The following RWDD1 variants were observed in gnomAD, a reference collection of about 807,000 sequenced individuals.
RWDD1 encodes RWD domain-containing protein 1.
A neutral mutation model predicts 31.6 loss-of-function variants in RWDD1; 17 were observed. That is an observed-to-expected ratio of 0.54 (90% CI 0.37 to 0.81). The LOEUF (loss-of-function observed/expected upper bound fraction) is 0.81. RWDD1 is among the 30% of genes least tolerant of loss of function. The pLI, the probability that RWDD1 is intolerant of heterozygous loss-of-function variation, is 0.00. For missense variants in RWDD1, 204 were observed against 274.5 expected (o/e 0.74, Z 1.82); for synonymous variants, 78 against 94.2 (o/e 0.83, Z 0.99).
intron 1 of RWDD1, 103 bp from the exon 2 acceptor site, chr6:116,580,192 C>T: frequency 1.6e-6 from 1 of 625,622 alleles, no homozygotes; most frequent in East Asian, 3.0e-5. Context: ...GGAAATATAG[C>T]CTAGGGACCA....
intron 2 of RWDD1, among the ~76,000 whole-genome samples, chr6:116,582,852 T>G (rs1774970559): frequency 6.6e-6 from 1 of 152,030 alleles, no homozygotes; most frequent in African/African-American, 2.4e-5. Context: ...TCTTCAGATC[T>G]TTATTTTTAT....
rs898483098 is a variant in RWDD1, at chr6:116,596,535, A to G, written c.*3434A>G. On this transcript the variant is annotated 3_prime_UTR_variant, in exon 7 of 7. Coordinates refer to ENST00000466444, the MANE Select transcript of RWDD1 (RefSeq NM_015952.4). ...TAAAATTTTGTCATAAAAATAGCCA[A>G]TGATGTTTTTAATTTTACATCTAAA... 1 of 152,226 alleles carries G rather than the reference A, an allele frequency of 6.6e-6. No individual in the cohort carries two copies. Among genetic ancestry groups the G allele is most frequent in the Non-Finnish European group, 1.5e-5 (1 of 68,034 alleles). 9.4% of individuals were successfully genotyped at this position (152,226 alleles called of 1,614,324 possible).
chr6:116,571,973 A>T (rs533645092), intron 1 of RWDD1, among the ~76,000 whole-genome samples: 13 of 152,034 alleles, frequency 8.6e-5, no homozygotes, highest in African/African-American at 2.9e-4. Flanking sequence ...GAGAAAAAAT[A>T]CTCCAAGTGC....
At chr6:116,573,030 A>G in intron 1 of RWDD1, 1 of 977,840 alleles carries the variant, frequency 1.0e-6, no homozygotes, top group Non-Finnish European at 1.2e-6. Context: ...CCTTGCTTAT[A>G]TGTGTATGTC....
chr6:116,597,229 GAA>G lies in RWDD1; in HGVS notation c.*4130_*4131del, dbSNP rs966285680. On this transcript the variant is annotated 3_prime_UTR_variant, in exon 7 of 7. Transcript: ENST00000466444. ...AAGTAATTGAAGTAAAAAAGAGAGA[GAA>G]AGAGAGAGAGAAGAGGTTCTACTCA... 4 of 152,094 alleles carry G rather than the reference GAA, an allele frequency of 2.6e-5. No individual in the cohort carries two copies. Among genetic ancestry groups the G allele is most frequent in the African/African-American group, 7.2e-5 (3 of 41,410 alleles). 9.4% of individuals were successfully genotyped at this position (152,094 alleles called of 1,614,324 possible).
chr6:116,593,037 T>C lies in RWDD1; in HGVS notation c.668T>C (p.Leu223Pro). ...TTCCAAGAAATGGATGACTTGGAGC[T>C]GGAGGATGATGAAGATGATCCAGAC... Reference protein sequence around the residue: ...SLFQEMDDLELEDDEDDPDYN... With the variant: ...SLFQEMDDLEPEDDEDDPDYN... The change falls in exon 7 of 7, where the codon CTG becomes CCG. Residue 223 changes from leucine (L) to proline (P), a missense_variant. Leu to Pro is a moderately conservative substitution (Grantham distance 98). Transcript: ENST00000466444. The C allele has an allele frequency of 6.2e-7, 1 of 1,613,774 alleles. No individual in the cohort carries two copies. The highest frequency in any genetic ancestry group is 8.5e-7 in the Non-Finnish European group (1 of 1,179,886).
At chr6:116,590,057 A>G (rs1308799939) in intron 4 of RWDD1, among the ~76,000 whole-genome samples, 1 of 152,210 alleles carries the variant, frequency 6.6e-6, no homozygotes, top group Non-Finnish European at 1.5e-5. Flanking sequence ...GTTTCTTGTA[A>G]TAAGAATAAA....
chr6:116,581,462 A>G (rs558196094), intron 2 of RWDD1, among the ~76,000 whole-genome samples: 182 of 152,222 alleles, frequency 1.2e-3, no homozygotes, highest in African/African-American at 4.3e-3. Context: ...TAGCTTTATT[A>G]GGAGCTAGTA....
intron 2 of RWDD1, among the ~76,000 whole-genome samples, chr6:116,581,935 A>C (rs1340745750): frequency 6.6e-6 from 1 of 152,044 alleles, no homozygotes; most frequent in East Asian, 1.9e-4. Context: ...ACAGTGACAT[A>C]CTTATAAAGT....
chr6:116,572,867 T>C (rs2115320400), intron 1 of RWDD1: 1 of 985,466 alleles, frequency 1.0e-6, no homozygotes, highest in Admixed American at 6.1e-5. Context: ...GGCAGATGTC[T>C]CTCAGCTATC....
intron 1 of RWDD1, among the ~76,000 whole-genome samples, chr6:116,578,599 G>T (rs1458094558): frequency 1.3e-5 from 2 of 151,970 alleles, no homozygotes; most frequent in Non-Finnish European, 2.9e-5. Context: ...TGTTAAAGTT[G>T]GTCATGAAAG....
At chr6:116,589,472 A>G (rs1031907106) in intron 4 of RWDD1, among the ~76,000 whole-genome samples, 9 of 152,180 alleles carry the variant, frequency 5.9e-5, no homozygotes, top group African/African-American at 2.2e-4. Context: ...AGCTTGATAT[A>G]GAGTTTAGAA....
At chr6:116,574,679 T>TCTTC (rs999521735) in intron 1 of RWDD1, among the ~76,000 whole-genome samples, 2 of 150,546 alleles carry the variant, frequency 1.3e-5, no homozygotes, top group Non-Finnish European at 3.0e-5. Flanking sequence ...TCTCTCTCTC[T>TCTTC]CTTCCTTCCT....
At position 116,597,299 on chromosome 6, in the gene RWDD1, G is replaced by A. The variant is rs1775254005; in HGVS notation, c.*4198G>A. On this transcript the variant is annotated 3_prime_UTR_variant, in exon 7 of 7. Coordinates refer to ENST00000466444, the MANE Select transcript of RWDD1 (RefSeq NM_015952.4). ...AATTTCCTTACATAATTAACATGATGAATTTTTAAATAATTGTTATATTTA... is the reference window on the plus strand; with the variant it reads ...AATTTCCTTACATAATTAACATGATAAATTTTTAAATAATTGTTATATTTA... The A allele has an allele frequency of 6.6e-6, 1 of 152,166 alleles. No homozygotes were observed. The highest frequency in any genetic ancestry group is 1.5e-5 in the Non-Finnish European group (1 of 68,022). The allele number at this position is 152,166 out of a possible 1,614,324, so 9.4% of individuals were successfully genotyped here.
intron 1 of RWDD1, among the ~76,000 whole-genome samples, chr6:116,579,043 T>G (rs904429003): frequency 6.6e-6 from 1 of 151,996 alleles, no homozygotes; most frequent in Non-Finnish European, 1.5e-5. Context: ...GCCTGGCTAT[T>G]TTTTGTGTTT....
intron 6 of RWDD1, 141 bp downstream of exon 6, chr6:116,591,091 A>T: frequency 1.8e-6 from 2 of 1,099,038 alleles, no homozygotes; most frequent in Admixed American, 4.2e-5. Flanking sequence ...TGAGACCCTG[A>T]CTCTATTAAA....
intron 2 of RWDD1, among the ~76,000 whole-genome samples, chr6:116,581,223 T>C (rs991047183): frequency 3.9e-5 from 6 of 152,106 alleles, no homozygotes; most frequent in Non-Finnish European, 8.8e-5. Context: ...CTGTAATGCT[T>C]TAAAGCATGA....
chr6:116,576,714 T>G (rs1774852515), intron 1 of RWDD1, among the ~76,000 whole-genome samples: 1 of 152,180 alleles, frequency 6.6e-6, no homozygotes, highest in African/African-American at 2.4e-5. Context: ...CTGAGTTGTT[T>G]CAGAAAATTT....
intron 2 of RWDD1, 127 bp from the exon 3 acceptor site, chr6:116,584,600 C>T (rs1383698532): frequency 1.1e-5 from 8 of 731,400 alleles, no homozygotes; most frequent in Non-Finnish European, 1.6e-5. Flanking sequence ...AGTGATTATC[C>T]ATCTGGTCTC....
Sources: allele counts gnomAD v4.1 joint callset (sites outside exome capture counted in the v4.1 genomes callset), GRCh38; gene constraint gnomAD v4.1.1; transcripts MANE v1.5; gene names NCBI Gene and HGNC (gene_info 2026-07-23, HGNC 2026-07-21).